GSE1: variants seen among roughly 807,000 people sequenced by gnomAD.
The protein encoded by GSE1 is Gse1 coiled-coil protein, also known as genetic suppressor element 1.
Under a neutral mutation model 112.6 loss-of-function variants are expected in GSE1, and 32 were observed. That is an observed-to-expected ratio of 0.28 (90% CI 0.21 to 0.38). GSE1 has a LOEUF of 0.38. Ranked by LOEUF, GSE1 falls within the 10% of genes least tolerant of loss-of-function variation. The pLI is 1.00. For synonymous variants in GSE1, 1,115 were observed against 735.6 expected (o/e 1.52, Z -8.35); for missense variants, 2,348 against 1,699.2 (o/e 1.38, Z -6.71).
intron 1 of GSE1, among the ~76,000 whole-genome samples, chr16:85,603,204 G>A (rs1325854294): frequency 6.6e-6 from 1 of 152,284 alleles, no homozygotes; most frequent in African/African-American, 2.4e-5. Flanking sequence ...AGGGAGCTCA[G>A]CTGGGGGAGG....
chr16:85,259,629 C>T (rs1380818604), intron 1 of GSE1, among the ~76,000 whole-genome samples: 2 of 152,218 alleles, frequency 1.3e-5, no homozygotes, highest in Non-Finnish European at 2.9e-5. Flanking sequence ...CCTGTGGAAG[C>T]ATCAGTGCCA....
At chr16:85,545,349 C>G (rs1292150755) in intron 2 of GSE1, among the ~76,000 whole-genome samples, 1 of 152,216 alleles carries the variant, frequency 6.6e-6, no homozygotes, top group African/African-American at 2.4e-5. Flanking sequence ...CCAGGGGCAG[C>G]CCCAAAATGG....
At chr16:85,266,732 G>C (rs1291079461) in intron 1 of GSE1, among the ~76,000 whole-genome samples, 2 of 152,074 alleles carry the variant, frequency 1.3e-5, no homozygotes, top group East Asian at 1.9e-4. Flanking sequence ...GCTGTTTGCT[G>C]GGGGTATGCT....
intron 3 of GSE1, among the ~76,000 whole-genome samples, chr16:85,650,583 G>GGGAACATTGAGCTACCCC (rs1345729578): frequency 3.3e-5 from 5 of 152,180 alleles, no homozygotes; most frequent in African/African-American, 1.2e-4. Flanking sequence ...TTACCGCCTC[G>GGGAACATTGAGCTACCCC]GGAACATTGA....
intron 2 of GSE1, among the ~76,000 whole-genome samples, chr16:85,647,354 T>TC (rs1234583866): frequency 6.6e-6 from 1 of 152,186 alleles, no homozygotes; most frequent in African/African-American, 2.4e-5. Context: ...ACGGGCGAGT[T>TC]CCGGGGTAGG....
intron 1 of GSE1, among the ~76,000 whole-genome samples, chr16:85,348,212 C>G (rs758940861): frequency 3.9e-5 from 6 of 151,938 alleles, no homozygotes; most frequent in Non-Finnish European, 8.8e-5. Flanking sequence ...ATCTGTCCAC[C>G]CATCTATCAT....
At chr16:85,607,342 G>A (rs1000853416), upstream of GSE1, among the ~76,000 whole-genome samples, 25 of 152,192 alleles carry the variant, frequency 1.6e-4, no homozygotes, top group Non-Finnish European at 3.4e-4. Context: ...CGACGCACAC[G>A]GCTTCCTTTT....
intron 2 of GSE1, among the ~76,000 whole-genome samples, chr16:85,459,428 T>C (rs1394342517): frequency 6.6e-6 from 1 of 152,242 alleles, no homozygotes. Flanking sequence ...CCAGGAGCTC[T>C]TGTGCAGTGA....
In GSE1 at chr16:85,654,333, C is replaced by G. The variant is rs756826959; in HGVS notation, c.482C>G (p.Pro161Arg). 3.1e-6 allele frequency: 5 copies of G among 1,611,694 alleles called. No homozygotes were observed. Among genetic ancestry groups the G allele is most frequent in the African/African-American group, 1.3e-5 (1 of 74,968 alleles). ...CGGGAACGCCTCATTGTGGAGCCCC[C>G]GCTCCCTCAGGAGAAGGCAGGGGGA... ...GGRERLIVEP[P>R]LPQEKAGGPA... is the part of the protein sequence containing the mutation. The change falls in exon 4 of 16, where the codon CCG becomes CGG. Residue 161 changes from proline to arginine, a missense_variant. Coordinates refer to ENST00000253458, the MANE Select transcript of GSE1 (RefSeq NM_014615.5).
chr16:85,287,117 G>A (rs577796685), intron 1 of GSE1, among the ~76,000 whole-genome samples: 2 of 152,354 alleles, frequency 1.3e-5, no homozygotes, highest in South Asian at 4.1e-4. Context: ...AGTGTTCTGC[G>A]GTGTCACTGA....
At chr16:85,662,667 C>A in intron 9 of GSE1, 1 of 340,284 alleles carries the variant, frequency 2.9e-6, no homozygotes, top group Non-Finnish European at 5.4e-6. Flanking sequence ...CCTGTGTTGC[C>A]GTGGACACAG....
At chr16:85,383,149 T>A (rs968916397) in intron 2 of GSE1, among the ~76,000 whole-genome samples, 10 of 151,000 alleles carry the variant, frequency 6.6e-5, no homozygotes, top group African/African-American at 2.4e-4. Flanking sequence ...AACACACCCA[T>A]ATATACAGTA....
intron 1 of GSE1, among the ~76,000 whole-genome samples, chr16:85,347,036 G>A (rs1301310092): frequency 6.6e-6 from 1 of 152,188 alleles, no homozygotes; most frequent in East Asian, 1.9e-4. Context: ...CACGTGACAG[G>A]GTCAGAACTT....
chr16:85,555,302 C>A, upstream of GSE1: 2 of 985,254 alleles, frequency 2.0e-6, no homozygotes, highest in Non-Finnish European at 2.4e-6. Context: ...TCTGCCCAGG[C>A]GCCAGAGCCC....
intron 2 of GSE1, among the ~76,000 whole-genome samples, chr16:85,638,227 T>C (rs954774581): frequency 3.3e-5 from 5 of 152,198 alleles, no homozygotes; most frequent in African/African-American, 1.2e-4. Flanking sequence ...GACGAAGCTG[T>C]GGCATGCGCT....
At chr16:85,662,065 C>T (rs1431020875) in intron 9 of GSE1, among the ~76,000 whole-genome samples, 1 of 152,212 alleles carries the variant, frequency 6.6e-6, no homozygotes, top group South Asian at 2.1e-4. Context: ...TGAGCGGAGG[C>T]TAATAAGATA....
intron 1 of GSE1, among the ~76,000 whole-genome samples, chr16:85,246,579 G>A (rs938663893): frequency 1.4e-5 from 2 of 145,918 alleles, no homozygotes; most frequent in African/African-American, 2.6e-5. Context: ...GTCCCCAGTC[G>A]TCTAATTATC....
intron 1 of GSE1, among the ~76,000 whole-genome samples, chr16:85,613,916 C>T (rs1413398623): frequency 2.6e-5 from 4 of 151,130 alleles, no homozygotes; most frequent in Non-Finnish European, 5.9e-5. Flanking sequence ...TGTCTTGCTC[C>T]CCTCCCCCTC....
intron 1 of GSE1, among the ~76,000 whole-genome samples, chr16:85,200,461 C>T (rs887179331): frequency 2.6e-5 from 4 of 151,980 alleles, no homozygotes; most frequent in Middle Eastern, 3.2e-3. Flanking sequence ...GTGGTTTCCC[C>T]CACGTCACAC....
Sources: gnomAD v4.1 joint callset for allele counts (sites outside exome capture counted in the v4.1 genomes callset) on GRCh38, gnomAD v4.1.1 for gene constraint, MANE v1.5 for transcripts, NCBI Gene and HGNC (gene_info 2026-07-23, HGNC 2026-07-21) for gene names.